SLC35F1: variants seen among roughly 807,000 people sequenced by gnomAD.
SLC35F1 encodes the protein solute carrier family 35 member F1, also known as chromosome 6 open reading frame 169.
Under a neutral mutation model 48.7 loss-of-function variants are expected in SLC35F1, and 14 were observed. The observed-to-expected ratio is 0.29, with a 90% confidence interval of 0.19 to 0.45. SLC35F1 has a LOEUF of 0.45. Ranked by LOEUF, SLC35F1 falls within the 20% of genes least tolerant of loss-of-function variation. SLC35F1 has a pLI of 1.00. For missense variants in SLC35F1, 404 were observed against 500.0 expected, an observed-to-expected ratio of 0.81 and a Z score of 1.83; for synonymous variants, 190 against 202.2, an observed-to-expected ratio of 0.94 and a Z score of 0.51.
chr6:118,118,700 C>T (rs1773506404), intron 1 of SLC35F1, among the ~76,000 whole-genome samples: 1 of 152,032 alleles, frequency 6.6e-6, no homozygotes, highest in Admixed American at 6.6e-5. Context: ...TTCTCATGAA[C>T]ATTTTCATAT....
intron 1 of SLC35F1, among the ~76,000 whole-genome samples, chr6:117,996,939 G>A (rs1294485864): frequency 6.6e-6 from 1 of 152,238 alleles, no homozygotes; most frequent in Non-Finnish European, 1.5e-5. Context: ...ACTTTGACGA[G>A]TTGAGAGAAG....
intron 1 of SLC35F1, among the ~76,000 whole-genome samples, chr6:117,968,673 T>C (rs1225865519): frequency 2.0e-5 from 3 of 152,194 alleles, no homozygotes; most frequent in African/African-American, 7.2e-5. Flanking sequence ...CTTTGGTATG[T>C]TTAAAGACTT....
intron 3 of SLC35F1, among the ~76,000 whole-genome samples, chr6:118,254,317 T>C (rs1775615830): frequency 6.6e-6 from 1 of 152,238 alleles, no homozygotes; most frequent in Admixed American, 6.5e-5. Context: ...TTTCTTGCTC[T>C]GTCACATAAG....
rs375383172 is a variant in SLC35F1, at chr6:118,182,804, A to G, written c.349+28184A>G. Among the ~76,000 whole-genome samples the G allele has an allele frequency of 4.6e-5, 7 of 152,312 alleles. No individual in the cohort carries two copies. The South Asian group carries it at 1.0e-3, about 23-fold the overall frequency. On this transcript the variant is annotated intron_variant, in intron 2 of 7. Coordinates refer to ENST00000360388, the MANE Select transcript of SLC35F1 (RefSeq NM_001029858.4). ...AAATGACATTATTATTTTCATATAT[A>G]ATATACTATGCACAAGAACATTTGT...
intron 1 of SLC35F1, among the ~76,000 whole-genome samples, chr6:118,006,170 G>A (rs977246016): frequency 6.6e-6 from 1 of 151,994 alleles, no homozygotes; most frequent in Non-Finnish European, 1.5e-5. Context: ...TTAGGATATT[G>A]CTTCTTTGCA....
At chr6:118,111,662 GA>G in intron 1 of SLC35F1, among the ~76,000 whole-genome samples, 1 of 152,144 alleles carries the variant, frequency 6.6e-6, no homozygotes, top group African/African-American at 2.4e-5. Flanking sequence ...GAGAAATAGA[GA>G]CAAAATCAAT....
chr6:117,925,616 TC>T, intron 1 of SLC35F1, among the ~76,000 whole-genome samples: 1 of 152,268 alleles, frequency 6.6e-6, no homozygotes, highest in Admixed American at 6.5e-5. Flanking sequence ...AATATACACC[TC>T]TTTTACTCTG....
At chr6:117,962,621 G>A (rs1776513446) in intron 1 of SLC35F1, among the ~76,000 whole-genome samples, 1 of 152,064 alleles carries the variant, frequency 6.6e-6, no homozygotes, top group African/African-American at 2.4e-5. Flanking sequence ...AACAATGCAG[G>A]GAAGATGTGA....
intron 1 of SLC35F1, among the ~76,000 whole-genome samples, chr6:118,013,558 T>G (rs1398401722): frequency 6.6e-6 from 1 of 152,230 alleles, no homozygotes; most frequent in Non-Finnish European, 1.5e-5. Context: ...ATTTCTCCTT[T>G]TCAATATCTA....
chr6:117,972,997 G>A (rs1776662491), intron 1 of SLC35F1, among the ~76,000 whole-genome samples: 2 of 152,198 alleles, frequency 1.3e-5, no homozygotes, highest in Admixed American at 1.3e-4. Flanking sequence ...TGTTTTATCT[G>A]TTACAGTATC....
At chr6:118,043,106 C>T (rs1772250672) in intron 1 of SLC35F1, among the ~76,000 whole-genome samples, 2 of 152,224 alleles carry the variant, frequency 1.3e-5, no homozygotes, top group Admixed American at 6.5e-5. Flanking sequence ...GTAGACTGTT[C>T]GCCATAAGAA....
chr6:118,128,965 A>C (rs867477953), intron 1 of SLC35F1, among the ~76,000 whole-genome samples: 1 of 152,172 alleles, frequency 6.6e-6, no homozygotes. Context: ...ATATCTACTC[A>C]ACACATTTGT....
intron 1 of SLC35F1, among the ~76,000 whole-genome samples, chr6:117,933,236 A>T (rs1582571142): frequency 6.6e-6 from 1 of 152,174 alleles, no homozygotes; most frequent in Non-Finnish European, 1.5e-5. Context: ...TTATGTCTTA[A>T]ATAATTTATC....
intron 1 of SLC35F1, among the ~76,000 whole-genome samples, chr6:117,975,052 G>A (rs1776688861): frequency 6.6e-6 from 1 of 152,200 alleles, no homozygotes. Context: ...CACACTTGGA[G>A]AGCCACTGAT....
At chr6:118,292,799 C>A (rs948592415) in intron 7 of SLC35F1, among the ~76,000 whole-genome samples, 2 of 151,984 alleles carry the variant, frequency 1.3e-5, no homozygotes, top group Non-Finnish European at 2.9e-5. Context: ...GCTGACTGGA[C>A]AGTAAAGCCC....
intron 2 of SLC35F1, 106 bp from the exon 3 acceptor site, chr6:118,235,403 T>C (rs1775348799): frequency 9.2e-7 from 1 of 1,089,434 alleles, no homozygotes; most frequent in East Asian, 2.6e-5. Flanking sequence ...TTTGGTAAAC[T>C]TTAGGTTAAA....
chr6:118,090,196 G>T (rs1331306667), intron 1 of SLC35F1, among the ~76,000 whole-genome samples: 1 of 152,142 alleles, frequency 6.6e-6, no homozygotes, highest in Non-Finnish European at 1.5e-5. Context: ...TTGGCATATG[G>T]AAGCTCATGG....
At chr6:117,934,161 A>G (rs981406636) in intron 1 of SLC35F1, among the ~76,000 whole-genome samples, 3 of 152,138 alleles carry the variant, frequency 2.0e-5, no homozygotes, top group African/African-American at 7.2e-5. Flanking sequence ...ATAGGATTCA[A>G]CTTTTTAACC....
intron 1 of SLC35F1, among the ~76,000 whole-genome samples, chr6:117,933,683 C>G (rs1160349704): frequency 1.3e-5 from 2 of 152,184 alleles, no homozygotes; most frequent in Non-Finnish European, 2.9e-5. Context: ...CTCTCTCTTC[C>G]CACTGGTGAG....
Sources: gnomAD v4.1 joint callset for allele counts (sites outside exome capture counted in the v4.1 genomes callset) on GRCh38, gnomAD v4.1.1 for gene constraint, MANE v1.5 for transcripts, NCBI Gene and HGNC (gene_info 2026-07-23, HGNC 2026-07-21) for gene names.